The following MGAT4C variants were observed in gnomAD, a reference collection of about 807,000 sequenced individuals.
The protein encoded by MGAT4C is MGAT4 family member C.
Under a neutral mutation model 40.1 loss-of-function variants are expected in MGAT4C, and 19 were observed. The observed-to-expected ratio is 0.47, with a 90% CI of 0.33 to 0.70. The LOEUF (loss-of-function observed/expected upper bound fraction) is 0.70, where lower values mean the gene tolerates loss of function less well. MGAT4C is among the 30% of genes least tolerant of loss of function. The pLI is 0.02. For synonymous variants in MGAT4C, 181 were observed against 187.1 expected, an observed-to-expected ratio of 0.97 and a Z score of 0.27; for missense variants, 491 against 563.2, an observed-to-expected ratio of 0.87 and a Z score of 1.30.
At chr12:86,058,639 C>T (rs990014055) in intron 1 of MGAT4C, among the ~76,000 whole-genome samples, 1 of 151,958 alleles carries the variant, frequency 6.6e-6, no homozygotes, top group East Asian at 1.9e-4. Context: ...TTATCCAAGG[C>T]AACATATATA....
At chr12:86,452,679 A>G (rs764572258) in intron 2 of MGAT4C, among the ~76,000 whole-genome samples, 7 of 152,092 alleles carry the variant, frequency 4.6e-5, no homozygotes, top group Non-Finnish European at 8.8e-5. Context: ...AAGTAATAGC[A>G]TAGTCACTCA....
chr12:86,098,125 T>A (rs80088625), intron 1 of MGAT4C, among the ~76,000 whole-genome samples: 2,506 of 151,802 alleles, frequency 0.017, 88 homozygotes, highest in African/African-American at 0.057. Context: ...TTATATGTAA[T>A]ACATAAATTA....
At chr12:86,395,325 T>C (rs1365531327) in intron 3 of MGAT4C, among the ~76,000 whole-genome samples, 1 of 152,204 alleles carries the variant, frequency 6.6e-6, no homozygotes, top group Admixed American at 6.5e-5. Flanking sequence ...TTTTTATTAC[T>C]ATAATATTAT....
chr12:86,579,194 T>C, intron 2 of MGAT4C, among the ~76,000 whole-genome samples: 1 of 151,542 alleles, frequency 6.6e-6, no homozygotes, highest in East Asian at 1.9e-4. Context: ...ATTTTGTTAT[T>C]GGTTTTCTGA....
intron 1 of MGAT4C, among the ~76,000 whole-genome samples, chr12:86,126,135 T>A (rs1455094341): frequency 6.6e-6 from 1 of 151,874 alleles, no homozygotes; most frequent in Admixed American, 6.6e-5. Context: ...CAAAGCAGAA[T>A]AAAAATTGTT....
chr12:86,324,808 T>C (rs1378678355), intron 4 of MGAT4C, among the ~76,000 whole-genome samples: 1 of 152,080 alleles, frequency 6.6e-6, no homozygotes, highest in South Asian at 2.1e-4. Flanking sequence ...ATTTGGTTTG[T>C]ATGACTCTCA....
intron 2 of MGAT4C, among the ~76,000 whole-genome samples, chr12:86,637,705 C>A (rs1440555057): frequency 6.6e-6 from 1 of 151,792 alleles, no homozygotes; most frequent in Non-Finnish European, 1.5e-5. Context: ...CGAGTCAATG[C>A]ATTTTAAATC....
chr12:86,816,826 GTTA>G (rs887166096), intron 1 of MGAT4C, among the ~76,000 whole-genome samples: 2 of 151,210 alleles, frequency 1.3e-5, no homozygotes, highest in African/African-American at 4.8e-5. Context: ...CTAATCAGTG[GTTA>G]TTATTTATTT....
intron 1 of MGAT4C, among the ~76,000 whole-genome samples, chr12:86,193,715 T>C (rs1889773819): frequency 6.6e-6 from 1 of 152,212 alleles, no homozygotes; most frequent in African/African-American, 2.4e-5. Flanking sequence ...GCTTATGTTA[T>C]AAAGTCAGCT....
chr12:86,000,734 A>T (rs1241983156), intron 2 of MGAT4C, among the ~76,000 whole-genome samples: 1 of 152,204 alleles, frequency 6.6e-6, no homozygotes, highest in East Asian at 1.9e-4. Context: ...GTAGGAGTAA[A>T]CATGAATATG....
At chr12:86,836,263 TTGAC>T (rs1192460816) in intron 1 of MGAT4C, among the ~76,000 whole-genome samples, 2 of 152,024 alleles carry the variant, frequency 1.3e-5, no homozygotes, top group African/African-American at 4.8e-5. Context: ...ATTCAAGTCA[TTGAC>T]TGAATATAGG....
At chr12:86,682,554 T>A (rs1040573185) in intron 2 of MGAT4C, among the ~76,000 whole-genome samples, 34 of 152,108 alleles carry the variant, frequency 2.2e-4, no homozygotes, top group Admixed American at 2.2e-3. Context: ...ACTGGTAATT[T>A]AAGCTCCTTT....
intron 1 of MGAT4C, among the ~76,000 whole-genome samples, chr12:86,199,552 T>C (rs1464827785): frequency 6.6e-6 from 1 of 152,162 alleles, no homozygotes; most frequent in Non-Finnish European, 1.5e-5. Context: ...GTGTATTTCA[T>C]GCCCTGGGTC....
At chr12:86,390,458 A>C (rs1281001831) in intron 3 of MGAT4C, among the ~76,000 whole-genome samples, 2 of 152,220 alleles carry the variant, frequency 1.3e-5, no homozygotes, top group African/African-American at 4.8e-5. Flanking sequence ...GAAAATAAAT[A>C]AGTCATAGCA....
intron 4 of MGAT4C, among the ~76,000 whole-genome samples, chr12:86,300,342 G>T (rs1953779066): frequency 6.6e-6 from 1 of 152,090 alleles, no homozygotes; most frequent in African/African-American, 2.4e-5. Context: ...TGACCATCCA[G>T]ATATTGTCAC....
intron 2 of MGAT4C, among the ~76,000 whole-genome samples, chr12:86,583,499 A>C (rs1960877802): frequency 6.6e-6 from 1 of 151,336 alleles, no homozygotes; most frequent in Admixed American, 6.6e-5. Flanking sequence ...CAAATAACTG[A>C]ACTCTATTTA....
At chr12:86,733,827 T>G (rs1184510285) in intron 1 of MGAT4C, among the ~76,000 whole-genome samples, 2 of 152,118 alleles carry the variant, frequency 1.3e-5, no homozygotes, top group Non-Finnish European at 2.9e-5. Context: ...ATTGATTCAG[T>G]TAAGTTTTTC....
chr12:86,440,870 T>C (rs1957215383), intron 2 of MGAT4C, among the ~76,000 whole-genome samples: 1 of 151,900 alleles, frequency 6.6e-6, no homozygotes, highest in Non-Finnish European at 1.5e-5. Flanking sequence ...CAATCCCTTT[T>C]ACAATAACTA....
At chr12:86,658,328 A>G (rs1019453937) in intron 2 of MGAT4C, among the ~76,000 whole-genome samples, 3 of 152,094 alleles carry the variant, frequency 2.0e-5, no homozygotes, top group South Asian at 4.1e-4. Context: ...GTGTTTAGCA[A>G]AAAACATCTT....
Sources: gnomAD v4.1 joint callset for allele counts (sites outside exome capture counted in the v4.1 genomes callset) on GRCh38, gnomAD v4.1.1 for gene constraint, MANE v1.5 for transcripts, NCBI Gene and HGNC (gene_info 2026-07-23, HGNC 2026-07-21) for gene names.